Variants in DOLPP1 observed in about 807,000 individuals in gnomAD.
DOLPP1 encodes the protein dolichyldiphosphatase 1.
A neutral mutation model predicts 34.1 loss-of-function variants in DOLPP1; 15 were observed. The ratio of observed to expected loss-of-function variants is 0.44; its 90% CI spans 0.29 to 0.68. DOLPP1 has a LOEUF of 0.68. DOLPP1 is among the 30% of genes least tolerant of loss of function. The pLI is 0.12. For missense variants in DOLPP1, 249 were observed against 307.1 expected (o/e 0.81, Z 1.41); for synonymous variants, 130 against 128.2 (o/e 1.01, Z -0.10).
At chr9:129,088,120 C>T (rs1020296154) in intron 7 of DOLPP1, among the ~76,000 whole-genome samples, 2 of 101,700 alleles carry the variant, frequency 2.0e-5, no homozygotes, top group African/African-American at 7.0e-5. Context: ...TATGTGGGGA[C>T]GTGGGAGCTG....
In DOLPP1 at chr9:129,085,003, C is replaced by T; in HGVS notation, c.178-20C>T. 1 of 1,551,904 alleles carries T rather than the reference C, an allele frequency of 6.4e-7. No homozygotes were observed. The highest frequency in any genetic ancestry group is 8.7e-7 in the Non-Finnish European group (1 of 1,149,796). On this transcript the variant is annotated intron_variant, in intron 2 of 7. Transcript: ENST00000372546. This position sits in a 1 kb window ranked among gnomAD's most constrained non-coding sequence, Gnocchi z 7.0. ...AACAGGTGCACAGAGGCCCAGCTGA[C>T]CATGCGTCTTCCCCAGCAGATCTCC... is the stretch of plus-strand genomic sequence containing the variant.
chr9:129,086,826 T>C (rs767682077), intron 7 of DOLPP1, 28 bp downstream of exon 7: 3 of 1,600,762 alleles, frequency 1.9e-6, no homozygotes, highest in Non-Finnish European at 2.6e-6. Context: ...CAGTGCTCAC[T>C]GGGCCAGCCA....
rs1847071326 is a variant in DOLPP1 at position 129,090,219 on chromosome 9, TTTC to T, written c.*1215_*1217del. ...CTGCTGAAGCACAATGTTTTGGTGC[TTTC>T]TTTTCTCATTTGTTAAAGGCAGTGT... On this transcript the variant is annotated 3_prime_UTR_variant, in exon 8 of 8. Transcript: ENST00000372546. 1 of 152,634 alleles carries T rather than the reference TTTC, an allele frequency of 6.6e-6. No homozygotes were observed. The highest frequency in any genetic ancestry group is 2.4e-5 in the African/African-American group (1 of 41,442). 9.5% of individuals were successfully genotyped at this position (152,634 alleles called of 1,614,324 possible). A position where few individuals can be genotyped will look rare whatever the true frequency, so the allele number is the denominator to read the frequency against.
In DOLPP1 at chr9:129,081,130, A is replaced by G; in HGVS notation, c.-2A>G. On this transcript the variant is annotated 5_prime_UTR_variant, in exon 1 of 8. Transcript: ENST00000372546. ...CTCGAAGAAGCCCGGTCTCCGGGTA[A>G]GATGGCAGCGGACGGACAGTGCTCG... 1 of 1,608,146 alleles carries G rather than the reference A, an allele frequency of 6.2e-7. No individual in the cohort carries two copies. The highest frequency in any genetic ancestry group is 1.3e-5 in the African/African-American group (1 of 74,836).
intron 7 of DOLPP1, 65 bp from the exon 8 acceptor site, chr9:129,088,906 T>G (rs1847043689): frequency 1.9e-6 from 3 of 1,552,056 alleles, no homozygotes; most frequent in South Asian, 2.2e-5. Context: ...ACGGGTGGGG[T>G]GGGGACAGCT....
chr9:129,084,657 T>C lies in DOLPP1; in HGVS notation c.77-11T>C. The C allele has an allele frequency of 6.3e-7, 1 of 1,575,136 alleles. No individual in the cohort carries two copies. Among genetic ancestry groups the C allele is most frequent in the Non-Finnish European group, 8.7e-7 (1 of 1,143,858 alleles). ...GCCCTGTCCTCCTGATTCTGTTCTC[T>C]GTCTTGCCAGGTGATCTCTCTGGCC... is the stretch of plus-strand genomic sequence containing the variant. On this transcript the variant is annotated splice_polypyrimidine_tract_variant and intron_variant, in intron 1 of 7. Transcript: ENST00000372546.
In DOLPP1 at chr9:129,084,742, A is replaced by G; in HGVS notation, c.151A>G (p.Ile51Val). The G allele has an allele frequency of 3.7e-6, 6 of 1,613,390 alleles. No homozygotes were observed. The highest frequency in any genetic ancestry group is 5.1e-6 in the Non-Finnish European group (6 of 1,179,480). The part of the protein sequence containing the change: ...VFVIVGFVTL[I>V]IFKRELHTIS... ...TGTCATCGTCGGTTTCGTGACCCTC[A>G]TCATATTTAAGCGGGAGCTGCACAC... Residue 51 changes from isoleucine to valine, a missense_variant, in exon 2 of 8, where the codon ATC (isoleucine) becomes GTC (valine). Transcript: ENST00000372546.
chr9:129,084,426 G>A (rs1846945103), intron 1 of DOLPP1, among the ~76,000 whole-genome samples: 1 of 152,266 alleles, frequency 6.6e-6, no homozygotes, highest in Admixed American at 6.5e-5. Context: ...AATGGGAACA[G>A]TGAAGGCACC....
At position 129,089,051 on chromosome 9, in the gene DOLPP1, G is replaced by A. The variant is rs371641005; in HGVS notation, c.*44G>A. 1.4e-5 allele frequency: 23 copies of A among 1,604,964 alleles called. No homozygotes were observed. The highest frequency in any genetic ancestry group is 1.6e-4 in the Middle Eastern group (1 of 6,066). On this transcript the variant is annotated 3_prime_UTR_variant, in exon 8 of 8. Coordinates refer to ENST00000372546, the MANE Select transcript of DOLPP1 (RefSeq NM_020438.5). This position sits in a 1 kb window ranked among gnomAD's most constrained non-coding sequence, Gnocchi z 4.9. ...TCCAGCCTCCAGATCTGGCCCGCAC[G>A]ATGCCTTGCAGGATGGACAGGATGA...
At position 129,085,606 on chromosome 9, in the gene DOLPP1, TC is replaced by T. The variant is rs1260303816; in HGVS notation, c.453del (p.Tyr152ThrfsTer43). On this transcript the variant is annotated frameshift_variant, in exon 5 of 8. Coordinates refer to ENST00000372546, the MANE Select transcript of DOLPP1 (RefSeq NM_020438.5). LOFTEE classifies it high-confidence loss of function. The surrounding 1 kb of genome is among the most constrained non-coding windows in gnomAD (Gnocchi z 7.0). ...LGLLAVAFLVSYSRVYLLYHT... is the reference protein window; with the variant it reads ...LGLLAVAFLVXYSRVYLLYHT... ...ACTCCTCGCTGTGGCCTTCCTAGTC[TC>T]CTACAGCAGGTATGGAGGAGGGAGA... The T allele has an allele frequency of 6.2e-7, 1 of 1,612,402 alleles. No homozygotes were observed. Among genetic ancestry groups the T allele is most frequent in the Non-Finnish European group, 8.5e-7 (1 of 1,179,416 alleles).
intron 1 of DOLPP1, among the ~76,000 whole-genome samples, chr9:129,081,884 T>TG (rs1267681218): frequency 2.0e-5 from 3 of 152,102 alleles, no homozygotes; most frequent in African/African-American, 7.2e-5. Flanking sequence ...AGCCTGGGCG[T>TG]GGGGGTCAGA....
intron 1 of DOLPP1, 61 bp downstream of exon 1, chr9:129,081,268 C>G: frequency 6.3e-7 from 1 of 1,585,676 alleles, no homozygotes; most frequent in South Asian, 1.1e-5. Flanking sequence ...GTCCCGGGCG[C>G]TCCGGCCTGC....
Position 129,085,508 on chromosome 9 carries a change from G to A in DOLPP1, c.363-10G>A. 3.7e-6 allele frequency: 6 copies of A among 1,612,628 alleles called. No individual in the cohort carries two copies. The highest frequency in any genetic ancestry group is 4.2e-6 in the Non-Finnish European group (5 of 1,179,450). ...TGGGCTGAGGTCATCTGGTGGGCCT[G>A]TTTTCGCAGAATGCACCAAACAAAC... On this transcript the variant is annotated splice_polypyrimidine_tract_variant and intron_variant, in intron 4 of 7. Transcript: ENST00000372546. This position sits in a 1 kb window ranked among gnomAD's most constrained non-coding sequence, Gnocchi z 7.0.
chr9:129,082,850 A>G (rs1846914846), intron 1 of DOLPP1, among the ~76,000 whole-genome samples: 1 of 152,200 alleles, frequency 6.6e-6, no homozygotes. Context: ...CTCTACTCCC[A>G]GATGCTGTCC....
intron 7 of DOLPP1, among the ~76,000 whole-genome samples, chr9:129,087,318 CTT>C (rs71507949): frequency 5.9e-5 from 8 of 135,722 alleles, no homozygotes; most frequent in Admixed American, 2.2e-4. Flanking sequence ...TCTTTTTTTT[CTT>C]TTTTTTTTTT....
At position 129,086,706 on chromosome 9, in the gene DOLPP1, C is replaced by T. The variant is rs749650738; in HGVS notation, c.591-3C>T. The T allele has an allele frequency of 1.2e-6, 2 of 1,613,608 alleles. No individual in the cohort carries two copies. The highest frequency in any genetic ancestry group is 8.5e-7 in the Non-Finnish European group (1 of 1,179,814). On this transcript the variant is annotated splice_region_variant and splice_polypyrimidine_tract_variant and intron_variant, in intron 6 of 7. Transcript: ENST00000372546. ...CCTGGCTCTCTGATGTCTGTCTCTC[C>T]AGGCCTGTCTCCGAGTTCTTCCTAA...
chr9:129,084,819 C>T (rs1262259842), intron 2 of DOLPP1, 51 bp downstream of exon 2: 3 of 1,429,504 alleles, frequency 2.1e-6, no homozygotes, highest in Non-Finnish European at 2.9e-6. Context: ...GTGCCCCCAC[C>T]CTGCTTTGGG....
intron 1 of DOLPP1, among the ~76,000 whole-genome samples, chr9:129,084,084 G>A (rs1588430745): frequency 6.6e-6 from 1 of 152,352 alleles, no homozygotes. Context: ...CGCCCTATTG[G>A]GCTTGGTTTC....
intron 1 of DOLPP1, among the ~76,000 whole-genome samples, chr9:129,084,337 C>T (rs185354880): frequency 1.6e-3 from 248 of 152,350 alleles, no homozygotes; most frequent in Admixed American, 3.9e-3. Flanking sequence ...GGACTTTAGT[C>T]CTGGTCCCAC....
Sources: allele counts gnomAD v4.1 joint callset (sites outside exome capture counted in the v4.1 genomes callset), GRCh38; gene constraint gnomAD v4.1.1; non-coding constraint Gnocchi (gnomAD v3.1); transcripts MANE v1.5; gene names NCBI Gene and HGNC (gene_info 2026-07-23, HGNC 2026-07-21).